NEBL: variants seen among roughly 807,000 people sequenced by gnomAD.
The protein encoded by NEBL is LIM and SH3 protein 2.
In NEBL, 122 loss-of-function variants were observed where a neutral mutation model predicts 140.2. The ratio of observed to expected loss-of-function variants is 0.87; its 90% CI spans 0.75 to 1.01. The LOEUF is 1.01. Ranked by LOEUF, NEBL falls within the 50% of genes least tolerant of loss-of-function variation. The probability of loss-of-function intolerance (pLI) is 0.00; values close to 1 mark genes in which losing one functional copy is unlikely to be tolerated. For missense variants in NEBL, 1,365 were observed against 1,231.3 expected, an observed-to-expected ratio of 1.11 and a Z score of -1.62; for synonymous variants, 436 against 398.9, an observed-to-expected ratio of 1.09 and a Z score of -1.11.
chr10:21,089,214 G>C (rs1836792419), intron 2 of NEBL, among the ~76,000 whole-genome samples: 1 of 152,148 alleles, frequency 6.6e-6, no homozygotes, highest in Non-Finnish European at 1.5e-5. Context: ...GAGGAAGGAA[G>C]GACAGGTCTG....
rs1589081290 is a variant in NEBL, at chr10:20,962,549, C to T, written c.250-770G>A. The stretch of plus-strand genomic sequence containing the variant: ...CCAATGGAGCTGAATTTTACTGTTT[C>T]CTCGGAGGACTGGAACAGCTAATGC... On this transcript the variant is annotated intron_variant, in intron 3 of 6. Transcript: ENST00000417816. Among the ~76,000 whole-genome samples the T allele has an allele frequency of 2.0e-5, 3 of 152,236 alleles. No individual in the cohort carries two copies. In the South Asian group the frequency reaches 6.2e-4, roughly 32 times the overall value.
At chr10:21,217,914 TG>T (rs147267473) in intron 3 of NEBL, 7 of 152,546 alleles carry the variant, frequency 4.6e-5, no homozygotes, top group African/African-American at 1.7e-4. Context: ...ACAGCAAGCC[TG>T]TCCATCACAG....
At chr10:21,236,969 C>G (rs1220445739) in intron 3 of NEBL, among the ~76,000 whole-genome samples, 2 of 152,142 alleles carry the variant, frequency 1.3e-5, no homozygotes, top group African/African-American at 2.4e-5. Context: ...TAGTAACTGA[C>G]CCAAAGTCAC....
intron 24 of NEBL, among the ~76,000 whole-genome samples, chr10:20,812,260 G>T (rs1396311980): frequency 6.6e-6 from 1 of 152,012 alleles, no homozygotes; most frequent in Non-Finnish European, 1.5e-5. Context: ...CAAAGTAATT[G>T]TTCAACCATT....
intron 4 of NEBL, among the ~76,000 whole-genome samples, chr10:20,918,455 A>T (rs1327944345): frequency 6.6e-6 from 1 of 152,198 alleles, no homozygotes; most frequent in Non-Finnish European, 1.5e-5. Context: ...GTAGTAGTGA[A>T]ATAATAAAGA....
chr10:21,237,805 C>T (rs1385750504), intron 3 of NEBL, among the ~76,000 whole-genome samples: 1 of 152,064 alleles, frequency 6.6e-6, no homozygotes, highest in Non-Finnish European at 1.5e-5. Flanking sequence ...CTGGGTTTCA[C>T]CATGTTGGCT....
At chr10:21,176,574 A>G (rs1023116541), upstream of NEBL, among the ~76,000 whole-genome samples, 8 of 152,210 alleles carry the variant, frequency 5.3e-5, no homozygotes, top group African/African-American at 1.9e-4. Context: ...TCAAAGTACT[A>G]TAAACAAAGA....
chr10:20,963,333 A>G (rs1836146349), intron 3 of NEBL, among the ~76,000 whole-genome samples: 1 of 152,156 alleles, frequency 6.6e-6, no homozygotes, highest in Non-Finnish European at 1.5e-5. Flanking sequence ...AGCTCAGAGT[A>G]GTAAAATAAT....
At chr10:21,271,083 C>A (rs1367147535) in intron 1 of NEBL, among the ~76,000 whole-genome samples, 1 of 152,072 alleles carries the variant, frequency 6.6e-6, no homozygotes. Context: ...TTCACAATAA[C>A]CAAGATATGG....
chr10:20,984,760 T>C (rs375565296), intron 3 of NEBL, among the ~76,000 whole-genome samples: 6 of 152,072 alleles, frequency 3.9e-5, no homozygotes, highest in African/African-American at 1.4e-4. Flanking sequence ...TACCGGTCCA[T>C]GGCCTGCTAG....
chr10:21,280,137 C>T (rs1248642904), intron 1 of NEBL, among the ~76,000 whole-genome samples: 2 of 152,156 alleles, frequency 1.3e-5, no homozygotes, highest in African/African-American at 4.8e-5. Flanking sequence ...CACCTGGGGT[C>T]TTTCCACGGT....
At chr10:20,900,287 T>G (rs1674152457), upstream of NEBL, among the ~76,000 whole-genome samples, 1 of 152,246 alleles carries the variant, frequency 6.6e-6, no homozygotes, top group Non-Finnish European at 1.5e-5. Flanking sequence ...AGTCCAGGTC[T>G]GGCTCTGCCA....
chr10:21,189,406 G>A (rs1482610852), intron 3 of NEBL, among the ~76,000 whole-genome samples: 4 of 152,108 alleles, frequency 2.6e-5, no homozygotes, highest in Non-Finnish European at 2.9e-5. Context: ...CTTGATTTCA[G>A]ACTTTTCCCC....
At chr10:20,936,750 G>T (rs372810152) in intron 4 of NEBL, among the ~76,000 whole-genome samples, 1 of 152,102 alleles carries the variant, frequency 6.6e-6, no homozygotes, top group Non-Finnish European at 1.5e-5. Flanking sequence ...TTTAATTTCT[G>T]CCTGTTCTAA....
chr10:20,959,978 G>C (rs1835979348), intron 4 of NEBL, among the ~76,000 whole-genome samples: 1 of 151,918 alleles, frequency 6.6e-6, no homozygotes, highest in Non-Finnish European at 1.5e-5. Context: ...ACCACCTCTG[G>C]TATTGAATAA....
At chr10:21,267,362 C>T (rs1842809018) in intron 1 of NEBL, among the ~76,000 whole-genome samples, 1 of 152,198 alleles carries the variant, frequency 6.6e-6, no homozygotes, top group South Asian at 2.1e-4. Context: ...GATCTGCCCA[C>T]CTCGGCCTCC....
chr10:20,888,715 T>G (rs1846754979), intron 3 of NEBL, among the ~76,000 whole-genome samples: 4 of 152,024 alleles, frequency 2.6e-5, no homozygotes, highest in Admixed American at 2.6e-4. Flanking sequence ...CAGTCACTAC[T>G]CTAAAGACAA....
intron 2 of NEBL, among the ~76,000 whole-genome samples, chr10:21,084,516 G>C (rs1836526564): frequency 6.6e-6 from 1 of 151,950 alleles, no homozygotes; most frequent in Non-Finnish European, 1.5e-5. Flanking sequence ...ACCCAGGAAG[G>C]ATCCCAGGAG....
At chr10:21,149,165 G>C (rs546707311) in intron 2 of NEBL, among the ~76,000 whole-genome samples, 28 of 152,358 alleles carry the variant, frequency 1.8e-4, no homozygotes, top group Middle Eastern at 3.4e-3. Flanking sequence ...AAAGGCCCAA[G>C]AGAACACTGT....
Sources: allele counts gnomAD v4.1 joint callset (sites outside exome capture counted in the v4.1 genomes callset), GRCh38; gene constraint gnomAD v4.1.1; transcripts MANE v1.5; gene names NCBI Gene and HGNC (gene_info 2026-07-23, HGNC 2026-07-21).